The following COL26A1 variants were observed in gnomAD, a reference collection of about 807,000 sequenced individuals.
The protein encoded by COL26A1 is collagen type XXVI alpha 1 chain, also known as collagen alpha-1(XXVI) chain.
In COL26A1, 41 loss-of-function variants were observed where a neutral mutation model predicts 59.3. The observed-to-expected ratio is 0.69, with a 90% CI of 0.54 to 0.90. The LOEUF (loss-of-function observed/expected upper bound fraction) is 0.90, where lower values mean the gene tolerates loss of function less well. Among genes scored for constraint, COL26A1 ranks in the 40% least tolerant of loss-of-function variants. The pLI is 0.00. For synonymous variants in COL26A1, 266 were observed against 256.0 expected (o/e 1.04, Z -0.37); for missense variants, 612 against 602.3 (o/e 1.02, Z -0.17).
intron 1 of COL26A1, among the ~76,000 whole-genome samples, chr7:101,390,408 G>A (rs1429445948): frequency 6.6e-6 from 1 of 152,078 alleles, no homozygotes; most frequent in South Asian, 2.1e-4. Context: ...GATTACAGAT[G>A]TGAGGCACTG....
At chr7:101,546,064 C>T (rs1795728571) in intron 7 of COL26A1, among the ~76,000 whole-genome samples, 1 of 152,206 alleles carries the variant, frequency 6.6e-6, no homozygotes, top group Non-Finnish European at 1.5e-5. Flanking sequence ...AGCCTCTGAA[C>T]ACACAGAAAT....
intron 3 of COL26A1, among the ~76,000 whole-genome samples, chr7:101,470,247 G>A (rs192384590): frequency 2.0e-5 from 3 of 151,940 alleles, no homozygotes; most frequent in Admixed American, 2.0e-4. Flanking sequence ...TTACAGGCGC[G>A]CACCGCCATG....
chr7:101,556,287 G>C lies in COL26A1; in HGVS notation c.1165+416G>C, dbSNP rs555764567. Among the ~76,000 whole-genome samples, 10 of 152,316 alleles carry C rather than the reference G, an allele frequency of 6.6e-5. No individual in the cohort carries two copies. In the South Asian group the frequency reaches 1.9e-3, roughly 28 times the overall value. The stretch of plus-strand genomic sequence containing the variant: ...GGGGAGGCTTCCATTCCATGCTGGG[G>C]TTTCTGTGACCCTCTGGGAGTCCCT... On this transcript the variant is annotated intron_variant, in intron 12 of 12. Transcript: ENST00000313669.
intron 3 of COL26A1, among the ~76,000 whole-genome samples, chr7:101,492,965 G>A (rs1262685735): frequency 6.6e-6 from 1 of 152,044 alleles, no homozygotes; most frequent in Admixed American, 6.6e-5. Flanking sequence ...GGGCTCAAGT[G>A]ATCCTTCACT....
chr7:101,371,500 T>A (rs902285691), intron 1 of COL26A1, among the ~76,000 whole-genome samples: 59 of 139,934 alleles, frequency 4.2e-4, no homozygotes, highest in Admixed American at 7.0e-4. Flanking sequence ...AAAAAAAAAA[T>A]TAAAAAATTA....
chr7:101,431,932 C>T (rs960643046), intron 2 of COL26A1, among the ~76,000 whole-genome samples: 6 of 151,326 alleles, frequency 4.0e-5, no homozygotes, highest in African/African-American at 1.5e-4. Context: ...GCTGAGACTA[C>T]AGGCGTACAC....
intron 2 of COL26A1, among the ~76,000 whole-genome samples, chr7:101,441,893 T>TCCTGC (rs1006488391): frequency 2.4e-4 from 36 of 152,322 alleles, no homozygotes; most frequent in African/African-American, 7.9e-4. Flanking sequence ...CTCACAGCCT[T>TCCTGC]ACACCAGGCA....
upstream of COL26A1, chr7:101,362,855 G>T (rs1790922438): frequency 3.4e-6 from 2 of 593,180 alleles, no homozygotes; most frequent in East Asian, 6.7e-5. Context: ...TTGAAAAGGC[G>T]GCCCCGGAGA....
chr7:101,499,751 C>T (rs988567238), intron 3 of COL26A1, among the ~76,000 whole-genome samples: 58 of 151,622 alleles, frequency 3.8e-4, no homozygotes, highest in African/African-American at 1.1e-3. Context: ...GTTGCACATA[C>T]CTGTGGTCCT....
At chr7:101,475,603 AGT>A (rs1472802687) in intron 3 of COL26A1, among the ~76,000 whole-genome samples, 1 of 151,564 alleles carries the variant, frequency 6.6e-6, no homozygotes, top group South Asian at 2.1e-4. Context: ...GCTGGACGCG[AGT>A]GTGTGTGTTC....
At chr7:101,492,937 G>C (rs117028943) in intron 3 of COL26A1, among the ~76,000 whole-genome samples, 13,160 of 151,674 alleles carry the variant, frequency 0.087, 849 homozygotes, top group African/African-American at 0.18. Flanking sequence ...GTGTTGCCCA[G>C]GCTGGTCTCA....
chr7:101,387,543 TTTC>T (rs202160655), intron 1 of COL26A1, among the ~76,000 whole-genome samples: 8,994 of 149,806 alleles, frequency 0.06, 621 homozygotes, highest in African/African-American at 0.16. Flanking sequence ...TGTCTTTTAT[TTTC>T]TTCTTTTTAT....
intron 1 of COL26A1, among the ~76,000 whole-genome samples, chr7:101,409,153 C>T (rs1440772643): frequency 6.6e-6 from 1 of 152,138 alleles, no homozygotes. Flanking sequence ...GGAAGAGAAA[C>T]CACTCCATGC....
intron 3 of COL26A1, among the ~76,000 whole-genome samples, chr7:101,459,441 AG>A (rs1793556623): frequency 6.7e-6 from 1 of 149,644 alleles, no homozygotes; most frequent in Admixed American, 6.7e-5. Context: ...CTGGAATTAC[AG>A]GTGCCCACCA....
intron 1 of COL26A1, among the ~76,000 whole-genome samples, chr7:101,417,544 A>T (rs777465937): frequency 1.4e-5 from 2 of 146,782 alleles, no homozygotes; most frequent in African/African-American, 2.6e-5. Context: ...TCTGTCACCC[A>T]GGCCAAAGTG....
chr7:101,556,086 T>C (rs1446406828), intron 12 of COL26A1, among the ~76,000 whole-genome samples: 3 of 152,074 alleles, frequency 2.0e-5, no homozygotes, highest in Admixed American at 1.3e-4. Context: ...CTCCCTAGTA[T>C]AGCCATGGTG....
At chr7:101,540,392 G>A (rs1185777998) in intron 5 of COL26A1, among the ~76,000 whole-genome samples, 11 of 151,296 alleles carry the variant, frequency 7.3e-5, no homozygotes, top group African/African-American at 2.4e-4. Context: ...ACAAAAATTA[G>A]CCAGGCGTGG....
At chr7:101,506,933 T>G (rs1043675645) in intron 3 of COL26A1, among the ~76,000 whole-genome samples, 45 of 151,830 alleles carry the variant, frequency 3.0e-4, no homozygotes, top group Non-Finnish European at 5.9e-4. Flanking sequence ...CACTCCTTTT[T>G]TTTTTCCCCC....
At position 101,416,954 on chromosome 7, in the gene COL26A1, G is replaced by A. The variant is rs888820260; in HGVS notation, c.159-3023G>A. Among the ~76,000 whole-genome samples, 101 of 105,166 alleles carry A rather than the reference G, an allele frequency of 9.6e-4. 8 individuals are homozygous for A. The highest frequency in any genetic ancestry group is 2.7e-3 in the African/African-American group (95 of 35,580). The allele number at this position is 105,166 out of a possible 152,430, so 69.0% of individuals were successfully genotyped here. A position where few individuals can be genotyped will look rare whatever the true frequency, so the allele number is the denominator to read the frequency against. On this transcript the variant is annotated intron_variant, in intron 1 of 12. Transcript: ENST00000313669. ...TACAGTGTTTCACCATGTTGCCCAG[G>A]CTGGTCTAAACTCCTGGGGTCAAGC... is the stretch of plus-strand genomic sequence containing the variant.
Sources: gnomAD v4.1 joint callset for allele counts (sites outside exome capture counted in the v4.1 genomes callset) on GRCh38, gnomAD v4.1.1 for gene constraint, MANE v1.5 for transcripts, NCBI Gene and HGNC (gene_info 2026-07-23, HGNC 2026-07-21) for gene names.